Variants in AKT3 observed in about 807,000 individuals in gnomAD.
AKT3 encodes the protein AKT serine/threonine kinase 3.
Under a neutral mutation model 65.3 loss-of-function variants are expected in AKT3, and 15 were observed. The observed-to-expected ratio is 0.23, with a 90% confidence interval of 0.15 to 0.35. AKT3 has a LOEUF of 0.35. AKT3 is among the 10% of genes least tolerant of loss of function. AKT3 has a pLI of 1.00. For synonymous variants in AKT3, 206 were observed against 183.8 expected (o/e 1.12, Z -0.98); for missense variants, 243 against 576.5 (o/e 0.42, Z 5.92).
chr1:243,770,877 C>T (rs983522431), intron 2 of AKT3, among the ~76,000 whole-genome samples: 5 of 152,090 alleles, frequency 3.3e-5, no homozygotes, highest in Non-Finnish European at 7.4e-5. Context: ...GAAACAGAGT[C>T]TGCCTGCTTC....
chr1:243,508,655 CTTTTTTTT>C (rs369887012), intron 13 of AKT3, among the ~76,000 whole-genome samples: 61,769 of 108,694 alleles, frequency 0.57, 18,159 homozygotes, highest in Admixed American at 0.7. Flanking sequence ...AAAAGCCAGA[CTTTTTTTT>C]TTTTTTTTTT....
intron 1 of AKT3, among the ~76,000 whole-genome samples, chr1:243,845,907 T>C (rs1173716367): frequency 3.3e-5 from 5 of 152,252 alleles, no homozygotes; most frequent in Admixed American, 3.3e-4. Context: ...CCCAGAGTGA[T>C]GCTGTATAAG....
At chr1:243,693,651 A>G (rs142405242) in intron 3 of AKT3, among the ~76,000 whole-genome samples, 22 of 152,232 alleles carry the variant, frequency 1.4e-4, no homozygotes, top group African/African-American at 5.3e-4. Context: ...AATCTGCCCA[A>G]GGTCCTATTA....
chr1:243,637,138 G>A (rs1225732786), intron 6 of AKT3, among the ~76,000 whole-genome samples: 1 of 152,046 alleles, frequency 6.6e-6, no homozygotes, highest in African/African-American at 2.4e-5. Flanking sequence ...AGGTATGGGG[G>A]TGGGAAGTAA....
intron 2 of AKT3, among the ~76,000 whole-genome samples, chr1:243,758,373 T>C (rs376221331): frequency 2.6e-5 from 4 of 152,192 alleles, no homozygotes; most frequent in African/African-American, 7.2e-5. Flanking sequence ...AAGCTCGATA[T>C]AGATACCTGT....
intron 8 of AKT3, among the ~76,000 whole-genome samples, chr1:243,583,020 A>G (rs1198907549): frequency 1.3e-5 from 2 of 151,240 alleles, no homozygotes; most frequent in Non-Finnish European, 3.0e-5. Context: ...AAAGACAAAG[A>G]AGAGTATTAC....
At chr1:243,677,601 G>A (rs1683608630) in intron 3 of AKT3, among the ~76,000 whole-genome samples, 1 of 151,660 alleles carries the variant, frequency 6.6e-6, no homozygotes, top group Non-Finnish European at 1.5e-5. Context: ...TTTTGATTTT[G>A]GAGCAACAGC....
rs75530063 is a variant in AKT3 at position 243,790,741 on chromosome 1, T to C, written c.46+52384A>G. 5.1e-3 allele frequency among the ~76,000 whole-genome samples: 779 copies of C among 152,334 alleles called. 9 individuals are homozygous for C. Among genetic ancestry groups the C allele is most frequent in the African/African-American group, 0.018 (739 of 41,562 alleles). On this transcript the variant is annotated intron_variant, in intron 2 of 13. Transcript: ENST00000673466. Reference sequence around the variant, plus strand: ...TTTTCATTTCCAGAGAGACGTGTGATTGTTCCTTTCACTTGAACATGTAGA... The same window carrying C: ...TTTTCATTTCCAGAGAGACGTGTGACTGTTCCTTTCACTTGAACATGTAGA...
intron 6 of AKT3, among the ~76,000 whole-genome samples, chr1:243,622,999 A>G (rs1467120346): frequency 6.6e-6 from 1 of 152,242 alleles, no homozygotes; most frequent in African/African-American, 2.4e-5. Flanking sequence ...AACTCTACAC[A>G]TTCCCAAAAA....
intron 2 of AKT3, among the ~76,000 whole-genome samples, chr1:243,760,386 C>A (rs1689415817): frequency 6.8e-6 from 1 of 148,132 alleles, no homozygotes; most frequent in Non-Finnish European, 1.5e-5. Context: ...TTCAGCCTCC[C>A]AAAGTGCTGG....
At chr1:243,646,637 G>A (rs924894536) in intron 4 of AKT3, among the ~76,000 whole-genome samples, 7 of 152,114 alleles carry the variant, frequency 4.6e-5, no homozygotes, top group Non-Finnish European at 8.8e-5. Flanking sequence ...TTACAGCCAT[G>A]AACCACCGCA....
At position 243,527,901 on chromosome 1, in the gene AKT3, A is replaced by AAGACTC. The variant is rs879435652; in HGVS notation, c.1252-15476_1252-15475insGAGTCT. ...CACACACACACACACACACACACAC[A>AAGACTC]CACACACACACACACACACACACAC... On this transcript the variant is annotated intron_variant, in intron 12 of 13. Coordinates refer to ENST00000673466, the MANE Select transcript of AKT3 (RefSeq NM_005465.7). Among the ~76,000 whole-genome samples the AAGACTC allele has an allele frequency of 5.8e-3, 665 of 115,026 alleles. 17 individuals carry two copies. The highest frequency in any genetic ancestry group is 0.025 in the African/African-American group (624 of 24,628). 75.5% of individuals were successfully genotyped at this position (115,026 alleles called of 152,430 possible).
chr1:243,493,864 G>T (rs1667176681), intron 13 of AKT3, among the ~76,000 whole-genome samples: 2 of 152,004 alleles, frequency 1.3e-5, no homozygotes, highest in East Asian at 1.9e-4. Flanking sequence ...GGGAGGAAAG[G>T]CCCATTGCAA....
intron 9 of AKT3, among the ~76,000 whole-genome samples, chr1:243,568,861 C>T (rs1674360041): frequency 6.6e-6 from 1 of 152,130 alleles, no homozygotes; most frequent in South Asian, 2.1e-4. Flanking sequence ...GTTTGTAGCA[C>T]CCAGTCTGAG....
At chr1:243,816,622 A>G (rs1020351629) in intron 2 of AKT3, among the ~76,000 whole-genome samples, 1 of 152,230 alleles carries the variant, frequency 6.6e-6, no homozygotes, top group Non-Finnish European at 1.5e-5. Flanking sequence ...TAAGAAAAGC[A>G]TACAGGCAAA....
intron 9 of AKT3, among the ~76,000 whole-genome samples, chr1:243,564,089 T>C (rs1673987688): frequency 6.6e-6 from 1 of 152,198 alleles, no homozygotes; most frequent in African/African-American, 2.4e-5. Context: ...GTGATATAGC[T>C]TTAAGAGCCA....
chr1:243,831,376 A>T (rs1162219539), intron 2 of AKT3, among the ~76,000 whole-genome samples: 1 of 152,192 alleles, frequency 6.6e-6, no homozygotes, highest in Non-Finnish European at 1.5e-5. Flanking sequence ...AGACAAAAGA[A>T]ATCATTCTAA....
chr1:243,693,243 G>GAT (rs1172388560), intron 3 of AKT3, among the ~76,000 whole-genome samples: 189 of 45,246 alleles, frequency 4.2e-3, no homozygotes, highest in South Asian at 0.01. Context: ...GCTACAATTT[G>GAT]ATATATATAT....
intron 3 of AKT3, among the ~76,000 whole-genome samples, chr1:243,666,382 T>G (rs1433174509): frequency 1.3e-5 from 2 of 152,162 alleles, no homozygotes; most frequent in African/African-American, 4.8e-5. Context: ...TCTAACAGTT[T>G]ACATGTTTTC....
Sources: gnomAD v4.1 joint callset for allele counts (sites outside exome capture counted in the v4.1 genomes callset) on GRCh38, gnomAD v4.1.1 for gene constraint, MANE v1.5 for transcripts, NCBI Gene and HGNC (gene_info 2026-07-23, HGNC 2026-07-21) for gene names.